The following ZNF280D variants were observed in gnomAD, a reference collection of about 807,000 sequenced individuals.
ZNF280D encodes zinc finger protein 280D, also known as suppressor of hairy wing homolog 4.
ZNF280D carries 39 observed loss-of-function variants against 94.7 expected under a neutral mutation model. The ratio of observed to expected loss-of-function variants is 0.41; its 90% CI spans 0.32 to 0.54. The LOEUF (loss-of-function observed/expected upper bound fraction) is 0.54, where lower values mean the gene tolerates loss of function less well. Ranked by LOEUF, ZNF280D falls within the 20% of genes least tolerant of loss-of-function variation. The pLI, the probability that ZNF280D is intolerant of heterozygous loss-of-function variation, is 0.22. For synonymous variants in ZNF280D, 398 were observed against 377.6 expected (o/e 1.05, Z -0.63); for missense variants, 1,090 against 1,149.3 (o/e 0.95, Z 0.75).
At chr15:56,637,249 T>C (rs1010923343) in intron 20 of ZNF280D, among the ~76,000 whole-genome samples, 7 of 151,772 alleles carry the variant, frequency 4.6e-5, no homozygotes, top group Non-Finnish European at 1.0e-4. Context: ...ATAGCTCAAC[T>C]GCAACCTCGA....
chr15:56,667,365 G>C (rs1252376738), intron 14 of ZNF280D, among the ~76,000 whole-genome samples: 2 of 152,014 alleles, frequency 1.3e-5, no homozygotes, highest in Non-Finnish European at 2.9e-5. Flanking sequence ...AATAATTCTA[G>C]AAAGGCCTAA....
At chr15:56,699,067 G>A (rs1393910319) in intron 6 of ZNF280D, 3 of 152,174 alleles carry the variant, frequency 2.0e-5, no homozygotes, top group African/African-American at 7.2e-5. Context: ...GTGTAAGTTT[G>A]TGGTAATATT....
intron 1 of ZNF280D, among the ~76,000 whole-genome samples, chr15:56,732,385 T>C (rs1050988877): frequency 1.3e-5 from 2 of 152,270 alleles, no homozygotes; most frequent in African/African-American, 4.8e-5. Context: ...GCCCTAACAA[T>C]GGTATAAGCA....
intron 1 of ZNF280D, among the ~76,000 whole-genome samples, chr15:56,720,323 T>C (rs2058288421): frequency 6.6e-6 from 1 of 152,188 alleles, no homozygotes; most frequent in African/African-American, 2.4e-5. Flanking sequence ...TTCATTCAAG[T>C]TTTATAATGA....
rs79104960 is a variant in ZNF280D at position 56,683,481 on chromosome 15, C to T, written c.781-1004G>A. On this transcript the variant is annotated intron_variant, in intron 9 of 21. Coordinates refer to ENST00000267807, the MANE Select transcript of ZNF280D (RefSeq NM_017661.4). Reference sequence around the variant, plus strand: ...TAGTTTTATTAATAGATCTTCACTGCAACTCCTTATTTATCCCTTATTTTT... The same window carrying T: ...TAGTTTTATTAATAGATCTTCACTGTAACTCCTTATTTATCCCTTATTTTT... 3.1e-3 allele frequency among the ~76,000 whole-genome samples: 465 copies of T among 152,250 alleles called. 17 individuals carry two copies. In the East Asian group the frequency reaches 0.078, roughly 26 times the overall value.
At chr15:56,694,327 ACACACACACAC>A (rs1441502500) in intron 6 of ZNF280D, among the ~76,000 whole-genome samples, 25 of 151,436 alleles carry the variant, frequency 1.7e-4, no homozygotes, top group African/African-American at 6.1e-4. Flanking sequence ...ACACACACAC[ACACACACACAC>A]AAGTATACTC....
In ZNF280D at chr15:56,717,248, C is replaced by T. The variant is rs537513607; in HGVS notation, c.-85-9942G>A. 2.3e-3 allele frequency among the ~76,000 whole-genome samples: 352 copies of T among 152,180 alleles called. 1 individual carries two copies. The highest frequency in any genetic ancestry group is 8.1e-3 in the African/African-American group (337 of 41,526). On this transcript the variant is annotated intron_variant, in intron 1 of 21. Coordinates refer to ENST00000267807, the MANE Select transcript of ZNF280D (RefSeq NM_017661.4). ...AAAACCAAGTAAGGGTAAATAGATG[C>T]TGGGTGGCAAAAATAACAGATGTCC...
intron 6 of ZNF280D, among the ~76,000 whole-genome samples, chr15:56,697,547 G>A (rs2141151047): frequency 6.6e-6 from 1 of 152,270 alleles, no homozygotes; most frequent in Non-Finnish European, 1.5e-5. Flanking sequence ...TGAAGATAGA[G>A]ACTCAGCAGT....
chr15:56,635,039 G>C, intron 21 of ZNF280D, 156 bp downstream of exon 21: 1 of 374,410 alleles, frequency 2.7e-6, no homozygotes. Context: ...TTGGATTAAA[G>C]TTTTTAAGTT....
Position 56,700,262 on chromosome 15 carries a change from T to C in ZNF280D, c.381+671A>G, listed in dbSNP as rs1372847125. 8.1e-6 allele frequency: 6 copies of C among 742,114 alleles called. No homozygotes were observed. In the East Asian group the frequency reaches 5.2e-4, roughly 65 times the overall value. 46.0% of individuals were successfully genotyped at this position (742,114 alleles called of 1,614,324 possible). ...AGGCTGGATTGAAATCCCAGATCCA[T>C]CAACTGCCAGCTTTGGGATCTTGAA... On this transcript the variant is annotated intron_variant, in intron 6 of 21. Coordinates refer to ENST00000267807, the MANE Select transcript of ZNF280D (RefSeq NM_017661.4).
chr15:56,631,408 C>T lies in ZNF280D; in HGVS notation c.*90G>A. 2 of 1,393,888 alleles carry T rather than the reference C, an allele frequency of 1.4e-6. No homozygotes were observed. The highest frequency in any genetic ancestry group is 2.0e-6 in the Non-Finnish European group (2 of 1,016,154). The allele number at this position is 1,393,888 out of a possible 1,614,324, so 86.3% of individuals were successfully genotyped here. ...TGACCTCCCTTACATATTTCCATTT[C>T]TGAACCTACAACAGCACCACTGAGC... On this transcript the variant is annotated 3_prime_UTR_variant, in exon 22 of 22. Coordinates refer to ENST00000267807, the MANE Select transcript of ZNF280D (RefSeq NM_017661.4).
chr15:56,724,081 A>G lies in ZNF280D; in HGVS notation c.-86+9377T>C, dbSNP rs1030894150. ...GTATCACAATATGGTATCATACCAC[A>G]TATCACTAGCCCGGAAAAAGATCAA... On this transcript the variant is annotated intron_variant, in intron 1 of 21. Coordinates refer to ENST00000267807, the MANE Select transcript of ZNF280D (RefSeq NM_017661.4). Among the ~76,000 whole-genome samples, 5 of 152,306 alleles carry G rather than the reference A, an allele frequency of 3.3e-5. No individual in the cohort carries two copies. The East Asian group carries it at 9.6e-4, about 29-fold the overall frequency.
At position 56,719,205 on chromosome 15, in the gene ZNF280D, T is replaced by C. The variant is rs140192530; in HGVS notation, c.-85-11899A>G. ...CCTCAGGTTGAAATTTGATCCCCAATGTTGCAGGTAGGGTAATGAGAGGTG... is the reference window on the plus strand; with the variant it reads ...CCTCAGGTTGAAATTTGATCCCCAACGTTGCAGGTAGGGTAATGAGAGGTG... On this transcript the variant is annotated intron_variant, in intron 1 of 21. Coordinates refer to ENST00000267807, the MANE Select transcript of ZNF280D (RefSeq NM_017661.4). Among the ~76,000 whole-genome samples, 1,380 of 152,212 alleles carry C rather than the reference T, an allele frequency of 9.1e-3. 15 individuals carry two copies. Among genetic ancestry groups the C allele is most frequent in the South Asian group, 0.015 (73 of 4,824 alleles).
intron 1 of ZNF280D, chr15:56,729,854 CAATGAG>C (rs1254266131): frequency 3.9e-5 from 6 of 152,248 alleles, no homozygotes; most frequent in Admixed American, 2.6e-4. Context: ...ATGTGTGTTA[CAATGAG>C]AATGTTTATG....
chr15:56,706,897 GA>G (rs1942252383), intron 3 of ZNF280D, among the ~76,000 whole-genome samples, 184 bp downstream of exon 3: 1 of 152,046 alleles, frequency 6.6e-6, no homozygotes, highest in Non-Finnish European at 1.5e-5. Flanking sequence ...GATAATGGGG[GA>G]AAACACTTCT....
At chr15:56,682,157 T>C in intron 10 of ZNF280D, 97 bp downstream of exon 10, 2 of 847,708 alleles carry the variant, frequency 2.4e-6, no homozygotes, top group Non-Finnish European at 3.6e-6. Context: ...TTAAAATCAC[T>C]TACCTAGAAT....
chr15:56,666,043 G>A (rs1167009300), intron 16 of ZNF280D, among the ~76,000 whole-genome samples: 1 of 152,030 alleles, frequency 6.6e-6, no homozygotes, highest in African/African-American at 2.4e-5. Flanking sequence ...GGCGAAGGCA[G>A]GGGAATTGCT....
chr15:56,666,830 C>T lies in ZNF280D; in HGVS notation c.1702G>A (p.Val568Ile), dbSNP rs28620278. 689,306 of 1,612,404 alleles carry T rather than the reference C, an allele frequency of 0.43. 152,820 individuals carry two copies. Among genetic ancestry groups the T allele is most frequent in the African/African-American group, 0.67 (50,091 of 74,840 alleles). ...TTAGGTTTACTTGCGTTGGATTTGACTGTATTAGGTTTACTTGTATTAGAT... is the reference window on the plus strand; with the variant it reads ...TTAGGTTTACTTGCGTTGGATTTGATTGTATTAGGTTTACTTGTATTAGAT... ...AKSNTSKPNT[V>I]KSNASKPNTS... is the part of the protein sequence containing the mutation. Residue 568 changes from valine to isoleucine, a missense_variant, in exon 15 of 22, where the codon GTC (valine) becomes ATC (isoleucine). Physicochemically the swap from Val to Ile is conservative, Grantham distance 29. Coordinates refer to ENST00000267807, the MANE Select transcript of ZNF280D (RefSeq NM_017661.4).
In ZNF280D at chr15:56,701,005, G is replaced by C. The variant is rs1282063123; in HGVS notation, c.309C>G (p.Ala103=). 7 of 1,613,924 alleles carry C rather than the reference G, an allele frequency of 4.3e-6. No homozygotes were observed. Among genetic ancestry groups the C allele is most frequent in the Admixed American group, 1.7e-5 (1 of 59,994 alleles). The stretch of plus-strand genomic sequence containing the variant: ...ACTCAGGATGAAAATTTATTGGTGA[G>C]GCAGGCACTGGATTTGATGTTGGAT... ...YTNPTSNPVP[A]SPINFHPESR... Residue 103 remains alanine, a synonymous_variant, in exon 6 of 22, where the codon GCC becomes GCG. Coordinates refer to ENST00000267807, the MANE Select transcript of ZNF280D (RefSeq NM_017661.4).
Sources: gnomAD v4.1 joint callset for allele counts (sites outside exome capture counted in the v4.1 genomes callset) on GRCh38, gnomAD v4.1.1 for gene constraint, MANE v1.5 for transcripts, NCBI Gene and HGNC (gene_info 2026-07-23, HGNC 2026-07-21) for gene names.